Variants in C12orf42 observed in about 807,000 individuals in gnomAD.
C12orf42 encodes the protein uncharacterized protein C12orf42.
Under a neutral mutation model 21.6 loss-of-function variants are expected in C12orf42, and 25 were observed. The observed-to-expected ratio is 1.16, with a 90% CI of 0.84 to 1.62. The LOEUF is 1.62. Among genes scored for constraint, C12orf42 ranks in the 40% most tolerant of loss-of-function variants. The pLI is 0.00. For synonymous variants in C12orf42, 174 were observed against 175.0 expected (o/e 0.99, Z 0.05); for missense variants, 483 against 459.3 (o/e 1.05, Z -0.47).
chr12:103,505,655 G>A, the C12orf42 span: 2 of 238,116 alleles, frequency 8.4e-6, no homozygotes, highest in African/African-American at 2.4e-5. Flanking sequence ...CCAGGCCCCT[G>A]GGGGGCATAT....
intron 3 of C12orf42, among the ~76,000 whole-genome samples, chr12:103,383,533 T>C (rs962354963): frequency 3.3e-5 from 5 of 152,240 alleles, no homozygotes; most frequent in African/African-American, 4.8e-5. Context: ...ATAAACCTTG[T>C]ACATGTATCT....
chr12:103,146,356 T>A, the C12orf42 span, among the ~76,000 whole-genome samples: 1 of 150,804 alleles, frequency 6.6e-6, no homozygotes, highest in African/African-American at 2.4e-5. Context: ...GATGCATGCC[T>A]GTAATCCCAG....
At chr12:103,076,976 T>C in the C12orf42 span, among the ~76,000 whole-genome samples, 1 of 152,228 alleles carries the variant, frequency 6.6e-6, no homozygotes, top group Non-Finnish European at 1.5e-5. Context: ...ATATTGATGT[T>C]CATATCAGCC....
chr12:103,322,061 T>C (rs929001214), intron 4 of C12orf42, among the ~76,000 whole-genome samples: 1 of 152,058 alleles, frequency 6.6e-6, no homozygotes, highest in African/African-American at 2.4e-5. Flanking sequence ...TTATTAAACT[T>C]ATATAGTAAT....
the C12orf42 span, among the ~76,000 whole-genome samples, chr12:103,507,146 A>T: frequency 1.0e-4 from 2 of 19,222 alleles, no homozygotes; most frequent in Non-Finnish European, 1.4e-4. Flanking sequence ...TATATATATA[A>T]TATAAATATA....
At chr12:103,307,878 C>T (rs1436547430) in intron 4 of C12orf42, among the ~76,000 whole-genome samples, 2 of 152,072 alleles carry the variant, frequency 1.3e-5, no homozygotes, top group African/African-American at 4.8e-5. Context: ...ATGCAAGATT[C>T]ATTTGCCTTT....
rs532920827 is a variant in C12orf42 at position 103,392,398 on chromosome 12, T to A, written c.147+9209A>T. 2.0e-5 allele frequency among the ~76,000 whole-genome samples: 3 copies of A among 152,310 alleles called. No individual in the cohort carries two copies. The East Asian group carries it at 5.8e-4, about 29-fold the overall frequency. On this transcript the variant is annotated intron_variant, in intron 3 of 5. Coordinates refer to ENST00000548883, the MANE Select transcript of C12orf42 (RefSeq NM_198521.5). ...CATTGGAATTTTGATAGGGATTGCA[T>A]GGAATTTGTAGATCACTTTGGGTAG...
intron 2 of C12orf42, among the ~76,000 whole-genome samples, chr12:103,419,277 G>A (rs1318392032): frequency 6.6e-6 from 1 of 152,152 alleles, no homozygotes; most frequent in African/African-American, 2.4e-5. Context: ...AATTTATTCT[G>A]AAGGCAATAA....
intron 4 of C12orf42, among the ~76,000 whole-genome samples, chr12:103,317,823 A>G (rs1469438415): frequency 1.3e-5 from 2 of 152,200 alleles, no homozygotes; most frequent in Non-Finnish European, 2.9e-5. Context: ...AGGCCATTTC[A>G]CATATTACAA....
At chr12:103,550,950 TTTTC>T in the C12orf42 span, among the ~76,000 whole-genome samples, 64 of 152,134 alleles carry the variant, frequency 4.2e-4, 1 homozygote, top group South Asian at 0.01. Context: ...TTATCTATAG[TTTTC>T]TTTTTTTATT....
Position 103,393,553 on chromosome 12 carries a change from T to TCAA in C12orf42, c.147+8051_147+8053dup, listed in dbSNP as rs1157165284. Among the ~76,000 whole-genome samples the TCAA allele has an allele frequency of 5.9e-5, 9 of 152,232 alleles. No individual in the cohort carries two copies. In the South Asian group the frequency reaches 1.9e-3, roughly 32 times the overall value. ...AAATAAGGCTCTTATATGACAAATA[T>TCAA]CAACAACAACACATGCTTCCGTTCC... On this transcript the variant is annotated intron_variant, in intron 3 of 5. Coordinates refer to ENST00000548883, the MANE Select transcript of C12orf42 (RefSeq NM_198521.5).
chr12:103,064,618 T>G, the C12orf42 span, among the ~76,000 whole-genome samples: 2 of 152,164 alleles, frequency 1.3e-5, no homozygotes, highest in African/African-American at 4.8e-5. Flanking sequence ...CAGAACCCCT[T>G]GAAGGAAGGG....
chr12:103,175,843 A>T, the C12orf42 span, among the ~76,000 whole-genome samples: 20 of 152,286 alleles, frequency 1.3e-4, no homozygotes, highest in African/African-American at 4.3e-4. Context: ...TAAATCAGCC[A>T]ATTAATAAGT....
intron 4 of C12orf42, among the ~76,000 whole-genome samples, chr12:103,338,286 C>G (rs1229665872): frequency 6.6e-6 from 1 of 152,210 alleles, no homozygotes; most frequent in African/African-American, 2.4e-5. Flanking sequence ...TGCTTACCTC[C>G]TCTGTACAAA....
chr12:103,153,490 C>T, the C12orf42 span, among the ~76,000 whole-genome samples: 3 of 152,070 alleles, frequency 2.0e-5, no homozygotes, highest in Non-Finnish European at 2.9e-5. Context: ...TAAAAATAGG[C>T]ATTCCCAATA....
chr12:103,484,781 A>T (rs1954709530), intron 1 of C12orf42, among the ~76,000 whole-genome samples: 1 of 146,848 alleles, frequency 6.8e-6, no homozygotes, highest in Non-Finnish European at 1.5e-5. Context: ...CTAAGGTTTT[A>T]TGGTTTCAGG....
At chr12:103,055,264 A>C in the C12orf42 span, among the ~76,000 whole-genome samples, 1 of 151,964 alleles carries the variant, frequency 6.6e-6, no homozygotes, top group Admixed American at 6.6e-5. Flanking sequence ...AGGGCTATAC[A>C]AATGATTTTA....
chr12:103,123,461 C>CA, the C12orf42 span, among the ~76,000 whole-genome samples: 8 of 151,168 alleles, frequency 5.3e-5, no homozygotes, highest in East Asian at 1.9e-4. Flanking sequence ...GAGAAATAGG[C>CA]AAAAAAAACA....
At chr12:103,270,773 C>T (rs557971884) in intron 5 of C12orf42, among the ~76,000 whole-genome samples, 1 of 144,114 alleles carries the variant, frequency 6.9e-6, no homozygotes, top group East Asian at 2.0e-4. Context: ...GTTCCCCTTC[C>T]TGTGTGATTT....
Sources: allele counts gnomAD v4.1 joint callset (sites outside exome capture counted in the v4.1 genomes callset), GRCh38; gene constraint gnomAD v4.1.1; transcripts MANE v1.5; gene names NCBI Gene and HGNC (gene_info 2026-07-23, HGNC 2026-07-21).